Variants in DHX8 observed in about 807,000 individuals in gnomAD.
The protein encoded by DHX8 is DEAH-box helicase 8.
In DHX8, 67 loss-of-function variants were observed where a neutral mutation model predicts 140.7. The observed-to-expected ratio is 0.48, with a 90% CI of 0.39 to 0.58. DHX8 has a LOEUF of 0.58. Ranked by LOEUF, DHX8 falls within the 20% of genes least tolerant of loss-of-function variation. DHX8 has a pLI of 0.00. For missense variants in DHX8, 887 were observed against 1,550.7 expected (o/e 0.57, Z 7.19); for synonymous variants, 533 against 553.2 (o/e 0.96, Z 0.51).
At chr17:43,543,036 G>A (rs1260916768) in intron 3 of DHX8, among the ~76,000 whole-genome samples, 4 of 152,016 alleles carry the variant, frequency 2.6e-5, no homozygotes, top group Admixed American at 1.3e-4. Context: ...ACAGGGCCCC[G>A]GCAGCTGCAT....
At chr17:43,506,707 G>A (rs1050166747) in intron 12 of DHX8, among the ~76,000 whole-genome samples, 1 of 151,666 alleles carries the variant, frequency 6.6e-6, no homozygotes, top group African/African-American at 2.4e-5. Context: ...TAGAAACATC[G>A]TTGATTGTAA....
downstream of DHX8, chr17:43,528,893 C>T (rs1029638422): frequency 4.2e-6 from 3 of 707,742 alleles, no homozygotes; most frequent in Admixed American, 8.2e-5. Flanking sequence ...GAAGCTGACT[C>T]TCCCTTCACA....
chr17:43,523,062 C>CAAAAA (rs5820498), intron 22 of DHX8, among the ~76,000 whole-genome samples: 2 of 102,712 alleles, frequency 1.9e-5, no homozygotes, highest in Non-Finnish European at 3.9e-5. Context: ...GACTCCGTCC[C>CAAAAA]AAAAAAAAAA....
chr17:43,526,713 G>T (rs1970632075), downstream of DHX8: 1 of 1,448,268 alleles, frequency 6.9e-7, no homozygotes, highest in Non-Finnish European at 9.1e-7. Flanking sequence ...GGCCTTCAGG[G>T]TTTCCACCGA....
chr17:43,517,753 C>T (rs1026732486), intron 18 of DHX8: 2 of 153,950 alleles, frequency 1.3e-5, no homozygotes, highest in Admixed American at 1.3e-4. Flanking sequence ...CAGACTGGCT[C>T]TCAGGGGCTT....
chr17:43,517,327 A>C lies in DHX8; in HGVS notation c.2799+5A>C. On this transcript the variant is annotated splice_donor_5th_base_variant and intron_variant, in intron 18 of 22. Transcript: ENST00000262415. ...AGCACAGTGCTGTCACTCAAGGTAG[A>C]AATCACTGTCTTGTTAAAATGGGTT... 2.5e-6 allele frequency: 4 copies of C among 1,613,216 alleles called. No individual in the cohort carries two copies. The highest frequency in any genetic ancestry group is 3.4e-6 in the Non-Finnish European group (4 of 1,179,610).
intron 16 of DHX8, 139 bp downstream of exon 16, chr17:43,508,659 A>G: frequency 1.8e-6 from 1 of 562,308 alleles, no homozygotes; most frequent in South Asian, 2.6e-5. Flanking sequence ...TCTCGCTCTC[A>G]CCCAGGCAGG....
chr17:43,540,808 G>A (rs4793257), intron 3 of DHX8, among the ~76,000 whole-genome samples: 46,823 of 152,042 alleles, frequency 0.31, 8,930 homozygotes, highest in Non-Finnish European at 0.42. Flanking sequence ...AAGCTGGGGT[G>A]ATGGGAGCAG....
intron 12 of DHX8, among the ~76,000 whole-genome samples, chr17:43,505,348 G>T (rs888594888): frequency 6.6e-6 from 1 of 152,100 alleles, no homozygotes; most frequent in African/African-American, 2.4e-5. Context: ...GTCGGAGGTT[G>T]CAGTGAGTCA....
Position 43,523,931 on chromosome 17 carries a change from C to A in DHX8, c.*84C>A. The A allele has an allele frequency of 1.3e-6, 2 of 1,566,958 alleles. No individual in the cohort carries two copies. Among genetic ancestry groups the A allele is most frequent in the South Asian group, 1.2e-5 (1 of 84,990 alleles). ...TGACAGGCTGGTCCTGAGGATACAG[C>A]TGTCCCGTGACTGACTGTCTTAACT... is the stretch of plus-strand genomic sequence containing the variant. On this transcript the variant is annotated 3_prime_UTR_variant, in exon 23 of 23. Transcript: ENST00000262415.
Position 43,523,935 on chromosome 17 carries a change from C to A in DHX8, c.*88C>A. 1 of 1,557,862 alleles carries A rather than the reference C, an allele frequency of 6.4e-7. No individual in the cohort carries two copies. Among genetic ancestry groups the A allele is most frequent in the South Asian group, 1.2e-5 (1 of 83,570 alleles). On this transcript the variant is annotated 3_prime_UTR_variant, in exon 23 of 23. Coordinates refer to ENST00000262415, the MANE Select transcript of DHX8 (RefSeq NM_004941.3). ...AGGCTGGTCCTGAGGATACAGCTGT[C>A]CCGTGACTGACTGTCTTAACTGAGC...
chr17:43,495,175 C>T (rs1244331699), intron 8 of DHX8, among the ~76,000 whole-genome samples: 1 of 152,148 alleles, frequency 6.6e-6, no homozygotes, highest in African/African-American at 2.4e-5. Flanking sequence ...CCATGCAGGG[C>T]TAGGGCTATA....
At chr17:43,489,593 GTTTGT>G in intron 2 of DHX8, 59 bp downstream of exon 2, 1 of 1,301,248 alleles carries the variant, frequency 7.7e-7, no homozygotes, top group Non-Finnish European at 1.1e-6. Context: ...ATGTTTGTTT[GTTTGT>G]TTTTTTTTTT....
At chr17:43,523,087 A>G (rs1970464408) in intron 22 of DHX8, among the ~76,000 whole-genome samples, 3 of 152,122 alleles carry the variant, frequency 2.0e-5, no homozygotes, top group African/African-American at 4.8e-5. Flanking sequence ...AAAGAAAGAA[A>G]AAAACAACTA....
At chr17:43,538,835 C>T (rs1370004477) in intron 3 of DHX8, among the ~76,000 whole-genome samples, 1 of 152,106 alleles carries the variant, frequency 6.6e-6, no homozygotes, top group South Asian at 2.1e-4. Context: ...TCTCTCCTTC[C>T]CTGGAGACTG....
At chr17:43,537,960 C>T (rs952089762) in intron 3 of DHX8, among the ~76,000 whole-genome samples, 4 of 152,050 alleles carry the variant, frequency 2.6e-5, no homozygotes, top group Non-Finnish European at 5.9e-5. Flanking sequence ...AACCCTGTCT[C>T]TACTAAAAAT....
intron 3 of DHX8, among the ~76,000 whole-genome samples, chr17:43,543,543 C>G: frequency 6.6e-6 from 1 of 152,130 alleles, no homozygotes; most frequent in Non-Finnish European, 1.5e-5. Context: ...GAATGAAGCC[C>G]GGTGAGCCAG....
At chr17:43,505,080 A>G (rs1333165203) in intron 12 of DHX8, among the ~76,000 whole-genome samples, 1 of 152,080 alleles carries the variant, frequency 6.6e-6, no homozygotes, top group Non-Finnish European at 1.5e-5. Flanking sequence ...GTTTGAAACC[A>G]GCCTGAGGCA....
intron 3 of DHX8, among the ~76,000 whole-genome samples, chr17:43,538,601 C>G (rs902016841): frequency 6.6e-6 from 1 of 152,192 alleles, no homozygotes; most frequent in Non-Finnish European, 1.5e-5. Flanking sequence ...TTATTCTGGC[C>G]TCCCCAGAGC....
Sources: allele counts gnomAD v4.1 joint callset (sites outside exome capture counted in the v4.1 genomes callset), GRCh38; gene constraint gnomAD v4.1.1; transcripts MANE v1.5; gene names NCBI Gene and HGNC (gene_info 2026-07-23, HGNC 2026-07-21).